SGCZ: variants seen among roughly 807,000 people sequenced by gnomAD.
SGCZ encodes sarcoglycan zeta.
In SGCZ, 40 loss-of-function variants were observed where a neutral mutation model predicts 41.3. That is an observed-to-expected ratio of 0.97 (90% CI 0.75 to 1.26). The LOEUF (loss-of-function observed/expected upper bound fraction) is 1.26, where lower values mean the gene tolerates loss of function less well. Among genes scored for constraint, SGCZ ranks in the 50% most tolerant of loss-of-function variants. SGCZ has a pLI of 0.00. For missense variants in SGCZ, 552 were observed against 369.8 expected (o/e 1.49, Z -4.04); for synonymous variants, 206 against 137.5 (o/e 1.50, Z -3.49).
intron 2 of SGCZ, among the ~76,000 whole-genome samples, chr8:14,512,253 G>GA (rs1490963748): frequency 1.3e-5 from 2 of 152,104 alleles, no homozygotes; most frequent in Non-Finnish European, 1.5e-5. Context: ...TAAGCAGGTG[G>GA]AAGCTGAGTG....
At chr8:14,397,744 A>G (rs1428109348) in intron 2 of SGCZ, among the ~76,000 whole-genome samples, 2 of 152,154 alleles carry the variant, frequency 1.3e-5, no homozygotes, top group African/African-American at 4.8e-5. Context: ...CCAGTATTGC[A>G]AAAGCATACT....
chr8:14,969,564 G>A (rs961356945), intron 1 of SGCZ, among the ~76,000 whole-genome samples: 8 of 151,702 alleles, frequency 5.3e-5, no homozygotes, highest in African/African-American at 1.9e-4. Context: ...ACCCTAATCT[G>A]CTTGATAACA....
At chr8:15,103,400 C>CTAAATAAATAAA (rs3069836) in intron 1 of SGCZ, among the ~76,000 whole-genome samples, 14,688 of 143,110 alleles carry the variant, frequency 0.1, 935 homozygotes, top group East Asian at 0.27. Context: ...GACCCTGTCT[C>CTAAATAAATAAA]TAAATAAATA....
chr8:14,616,734 C>A lies in SGCZ; in HGVS notation c.40-61808G>T, dbSNP rs191175294. Among the ~76,000 whole-genome samples the A allele has an allele frequency of 2.4e-4, 36 of 152,078 alleles. No individual in the cohort carries two copies. The East Asian group carries it at 6.0e-3, about 25-fold the overall frequency. ...AATTTAGACTAGATATAACCAGATC[C>A]CAATTTAAAACCTTGAAAATAACAA... On this transcript the variant is annotated intron_variant, in intron 1 of 7. Coordinates refer to ENST00000382080, the MANE Select transcript of SGCZ (RefSeq NM_139167.4).
chr8:14,626,861 T>G (rs1208928489), intron 1 of SGCZ, among the ~76,000 whole-genome samples: 1 of 152,166 alleles, frequency 6.6e-6, no homozygotes, highest in South Asian at 2.1e-4. Context: ...CCACTTAGTT[T>G]GTGGTACTTT....
At chr8:14,639,865 T>C (rs1806965510) in intron 1 of SGCZ, among the ~76,000 whole-genome samples, 4 of 151,628 alleles carry the variant, frequency 2.6e-5, no homozygotes, top group South Asian at 4.2e-4. Context: ...TAATTTGTTA[T>C]TAAAGTCAAT....
intron 1 of SGCZ, among the ~76,000 whole-genome samples, chr8:14,846,541 A>T (rs1803109132): frequency 6.6e-6 from 1 of 152,032 alleles, no homozygotes; most frequent in East Asian, 1.9e-4. Context: ...AAAACATATG[A>T]ACAACTTTAT....
intron 2 of SGCZ, among the ~76,000 whole-genome samples, chr8:14,439,226 G>A (rs966926633): frequency 6.0e-5 from 9 of 151,096 alleles, no homozygotes; most frequent in African/African-American, 2.2e-4. Context: ...AGATCATTAG[G>A]ACTTTTTATT....
At chr8:14,673,184 AC>A (rs1808159673) in intron 1 of SGCZ, among the ~76,000 whole-genome samples, 1 of 152,210 alleles carries the variant, frequency 6.6e-6, no homozygotes, top group Admixed American at 6.5e-5. Flanking sequence ...TAACCACTAT[AC>A]TGTCTTGTAA....
intron 5 of SGCZ, among the ~76,000 whole-genome samples, chr8:14,141,190 C>T (rs1354691266): frequency 6.6e-6 from 1 of 152,096 alleles, no homozygotes; most frequent in African/African-American, 2.4e-5. Context: ...ATTAAAGATT[C>T]AAATGTTAGA....
intron 3 of SGCZ, among the ~76,000 whole-genome samples, chr8:14,237,891 G>T (rs1009714249): frequency 5.9e-5 from 9 of 152,060 alleles, no homozygotes; most frequent in African/African-American, 1.9e-4. Context: ...TTCATAAGTG[G>T]GTACTAACTA....
chr8:14,428,440 G>C (rs533423703), intron 2 of SGCZ, among the ~76,000 whole-genome samples: 1 of 151,648 alleles, frequency 6.6e-6, no homozygotes, highest in Non-Finnish European at 1.5e-5. Flanking sequence ...CAAAATTCAC[G>C]GTAATTATAT....
chr8:14,251,091 A>T (rs1347081062), intron 3 of SGCZ, among the ~76,000 whole-genome samples: 1 of 152,054 alleles, frequency 6.6e-6, no homozygotes, highest in Non-Finnish European at 1.5e-5. Context: ...AGCCGGGTGC[A>T]GTGGTACGCA....
chr8:14,293,231 C>A (rs75147159), intron 3 of SGCZ, among the ~76,000 whole-genome samples: 5,295 of 151,916 alleles, frequency 0.035, 304 homozygotes, highest in African/African-American at 0.12. Context: ...CAGAAAAATC[C>A]CAGTGGACAA....
chr8:14,846,769 TAAG>T (rs1039968627), intron 1 of SGCZ, among the ~76,000 whole-genome samples: 1 of 137,788 alleles, frequency 7.3e-6, no homozygotes, highest in African/African-American at 2.8e-5. Context: ...CAATCACAGA[TAAG>T]AAGAGAAGAA....
At chr8:15,138,503 G>T (rs118182761) in intron 1 of SGCZ, among the ~76,000 whole-genome samples, 1 of 152,016 alleles carries the variant, frequency 6.6e-6, no homozygotes, top group Non-Finnish European at 1.5e-5. Context: ...TAATCCCCAC[G>T]GGTCATGGGA....
chr8:14,936,258 T>C (rs1433918601), intron 1 of SGCZ, among the ~76,000 whole-genome samples: 1 of 151,926 alleles, frequency 6.6e-6, no homozygotes, highest in Admixed American at 6.6e-5. Flanking sequence ...GGTTACATTC[T>C]GATAAACCCA....
At chr8:14,702,813 G>GTAGGTAGATAGATAGA (rs1240072459) in intron 1 of SGCZ, among the ~76,000 whole-genome samples, 1 of 115,330 alleles carries the variant, frequency 8.7e-6, no homozygotes, top group African/African-American at 3.2e-5. Flanking sequence ...AGGTAGTTAG[G>GTAGGTAGATAGATAGA]TAGATAGATA....
At position 14,985,118 on chromosome 8, in the gene SGCZ, T is replaced by C. The variant is rs147172704; in HGVS notation, c.39+252467A>G. Among the ~76,000 whole-genome samples the C allele has an allele frequency of 3.0e-3, 450 of 152,300 alleles. 2 individuals are homozygous for C. The highest frequency in any genetic ancestry group is 4.4e-3 in the Non-Finnish European group (296 of 68,012). ...ATACGAAAGAATGACATAAATATTC[T>C]TGAAGGATTTAGAGTTTGAAATGAA... On this transcript the variant is annotated intron_variant, in intron 1 of 7. Coordinates refer to ENST00000382080, the MANE Select transcript of SGCZ (RefSeq NM_139167.4).
Sources: allele counts gnomAD v4.1 joint callset (sites outside exome capture counted in the v4.1 genomes callset), GRCh38; gene constraint gnomAD v4.1.1; transcripts MANE v1.5; gene names NCBI Gene and HGNC (gene_info 2026-07-23, HGNC 2026-07-21).